The following FAT2 variants were observed in gnomAD, a reference collection of about 807,000 sequenced individuals.
FAT2 encodes the protein FAT atypical cadherin 2.
Under a neutral mutation model 295.3 loss-of-function variants are expected in FAT2, and 150 were observed. That is an observed-to-expected ratio of 0.51 (90% confidence interval 0.44 to 0.58). The LOEUF is 0.58. Ranked by LOEUF, FAT2 falls within the 20% of genes least tolerant of loss-of-function variation. FAT2 has a pLI of 0.00. For synonymous variants in FAT2, 2,026 were observed against 2,150.3 expected (o/e 0.94, Z 1.60); for missense variants, 4,868 against 5,442.7 (o/e 0.89, Z 3.32).
intron 1 of FAT2, among the ~76,000 whole-genome samples, chr5:151,580,002 TAGGGC>T (rs1758883587): frequency 6.6e-6 from 1 of 152,196 alleles, no homozygotes; most frequent in East Asian, 1.9e-4. Context: ...CTGGACTCCC[TAGGGC>T]ACAGTTTGAA....
At position 151,505,699 on chromosome 5, in the gene FAT2, C is replaced by T; in HGVS notation, c.12916G>A (p.Gly4306Arg). 6.2e-7 allele frequency: 1 copy of T among 1,614,064 alleles called. No homozygotes were observed. The highest frequency in any genetic ancestry group is 8.5e-7 in the Non-Finnish European group (1 of 1,179,958). ...KGVGMRLSRA[G>R]PSYAVCEVEG... is the part of the protein sequence containing the mutation. ...ACCTCACAGACAGCATAAGAGGGCC[C>T]AGCTCGGCTGAGGCGCATACCCACC... is the stretch of plus-strand genomic sequence containing the variant. Residue 4306 changes from glycine (G) to arginine (R), a missense_variant, in exon 24 of 24, where the codon GGG becomes AGG. This residue lies in a region of FAT2 where 492 missense variants were observed against 482.6 expected (regional missense o/e 1.02). Coordinates refer to ENST00000261800, the MANE Select transcript of FAT2 (RefSeq NM_001447.3).
rs375652571 is a variant in FAT2, at chr5:151,529,375, C to T, written c.9829G>A (p.Ala3277Thr). 9.9e-6 allele frequency: 16 copies of T among 1,613,792 alleles called. No homozygotes were observed. The highest frequency in any genetic ancestry group is 1.7e-4 in the Middle Eastern group (1 of 5,852). Reference sequence around the variant, plus strand: ...GGGCTTGTCTCAAAGTCCAGGCTTGCGTTGACATACAGGATCCCTGAAGAA... The same window carrying T: ...GGGCTTGTCTCAAAGTCCAGGCTTGTGTTGACATACAGGATCCCTGAAGAA... ...DARTGILYVNASLDFETSPKY... is the reference protein window; with the variant it reads ...DARTGILYVNTSLDFETSPKY... The change falls in exon 15 of 24, where the codon GCA (alanine) becomes ACA (threonine). Residue 3277 changes from alanine (A) to threonine (T), a missense_variant. Around this residue, in one of 5 missense-constraint regions of FAT2, gnomAD observed 1,046 missense variants for 1,210.1 expected, o/e 0.86. Coordinates refer to ENST00000261800, the MANE Select transcript of FAT2 (RefSeq NM_001447.3).
chr5:151,531,185 G>A lies in FAT2; in HGVS notation c.9811+402C>T, dbSNP rs1754552717. Among the ~76,000 whole-genome samples, 1 of 152,206 alleles carries A rather than the reference G, an allele frequency of 6.6e-6. No homozygotes were observed. On this transcript the variant is annotated intron_variant, in intron 14 of 23. Coordinates refer to ENST00000261800, the MANE Select transcript of FAT2 (RefSeq NM_001447.3). The surrounding 1 kb of genome is among the most constrained non-coding windows in gnomAD (Gnocchi z 5.7). Reference sequence around the variant, plus strand: ...TGGAGTGGATGTGGGGACTCCAGGAGGGAAGCAGGCAGCCTTGTCCAGGGT... The same window carrying A: ...TGGAGTGGATGTGGGGACTCCAGGAAGGAAGCAGGCAGCCTTGTCCAGGGT...
At chr5:151,590,922 G>A (rs916887864) in intron 1 of FAT2, among the ~76,000 whole-genome samples, 14 of 152,162 alleles carry the variant, frequency 9.2e-5, no homozygotes, top group African/African-American at 3.4e-4. Flanking sequence ...TCTCAGCCTT[G>A]CCCATTGCTG....
Position 151,543,511 on chromosome 5 carries a change from G to T in FAT2, c.7616C>A (p.Thr2539Asn), listed in dbSNP as rs1180476010. 6.2e-7 allele frequency: 1 copy of T among 1,614,090 alleles called. No homozygotes were observed. The highest frequency in any genetic ancestry group is 2.2e-5 in the East Asian group (1 of 44,900). Residue 2539 changes from threonine to asparagine, a missense_variant, in exon 10 of 24, where the codon ACT (threonine) becomes AAT (asparagine). Physicochemically the swap from Thr to Asn is moderately conservative, Grantham distance 65. Around this residue, in one of 5 missense-constraint regions of FAT2, gnomAD observed 3,297 missense variants for 3,669.4 expected, o/e 0.90. Coordinates refer to ENST00000261800, the MANE Select transcript of FAT2 (RefSeq NM_001447.3). Reference sequence around the variant, plus strand: ...ATTTTCCCGATCCAGTTTCTGCAGAGTGGCAATCTGGCCATTGGGGTTTAT... The same window carrying T: ...ATTTTCCCGATCCAGTTTCTGCAGATTGGCAATCTGGCCATTGGGGTTTAT... Reference protein sequence around the residue: ...FSINPNGQIATLQKLDRENST... With the variant: ...FSINPNGQIANLQKLDRENST...
At chr5:151,537,989 C>T (rs1449280953) in intron 11 of FAT2, 43 bp from the exon 12 acceptor site, 7 of 1,577,110 alleles carry the variant, frequency 4.4e-6, no homozygotes, top group Non-Finnish European at 6.1e-6. Flanking sequence ...GTGGGGACTG[C>T]ATTCAGATCC....
upstream of FAT2, among the ~76,000 whole-genome samples, chr5:151,593,743 C>T (rs921893822): frequency 1.3e-5 from 2 of 152,178 alleles, no homozygotes; most frequent in African/African-American, 4.8e-5. Context: ...GTGGCTCACA[C>T]CTGTAATCCC....
intron 1 of FAT2, among the ~76,000 whole-genome samples, chr5:151,584,265 C>T (rs1014656114): frequency 2.0e-5 from 3 of 152,046 alleles, no homozygotes; most frequent in African/African-American, 7.2e-5. Flanking sequence ...TCCCTTTACC[C>T]TCCCCTGCCC....
chr5:151,529,596 C>T (rs1754373907), intron 14 of FAT2, among the ~76,000 whole-genome samples: 1 of 152,114 alleles, frequency 6.6e-6, no homozygotes, highest in African/African-American at 2.4e-5. Context: ...TATTATTATT[C>T]ACAACAGCTA....
Position 151,567,223 on chromosome 5 carries a change from G to A in FAT2, c.1709C>T (p.Thr570Ile), listed in dbSNP as rs1442544774. Residue 570 changes from threonine to isoleucine, a missense_variant, in exon 2 of 24, where the codon ACA becomes ATA. Physicochemically the swap from Thr to Ile is moderately conservative, Grantham distance 89. Coordinates refer to ENST00000261800, the MANE Select transcript of FAT2 (RefSeq NM_001447.3). ...NQPMFEEVNC[T>I]GSIRQDWPVG... Reference sequence around the variant, plus strand: ...TGGCCAGTCTTGGCGGATAGACCCTGTACAGTTGACTTCTTCAAACATAGG... The same window carrying A: ...TGGCCAGTCTTGGCGGATAGACCCTATACAGTTGACTTCTTCAAACATAGG... 6.2e-7 allele frequency: 1 copy of A among 1,614,154 alleles called. No homozygotes were observed. The highest frequency in any genetic ancestry group is 8.5e-7 in the Non-Finnish European group (1 of 1,180,024).
chr5:151,538,658 G>C (rs1755758235), intron 11 of FAT2, among the ~76,000 whole-genome samples: 1 of 152,110 alleles, frequency 6.6e-6, no homozygotes, highest in Admixed American at 6.5e-5. Context: ...ACATGCCCTG[G>C]ATGGAAGCTT....
intron 3 of FAT2, among the ~76,000 whole-genome samples, chr5:151,557,868 G>A (rs1204070926): frequency 6.6e-6 from 1 of 152,142 alleles, no homozygotes; most frequent in African/African-American, 2.4e-5. Context: ...CTCCAGGAAG[G>A]ACGCTACCTC....
At chr5:151,569,276 C>T (rs189125089) in intron 1 of FAT2, among the ~76,000 whole-genome samples, 3 of 152,200 alleles carry the variant, frequency 2.0e-5, no homozygotes, top group Non-Finnish European at 4.4e-5. Flanking sequence ...CTGGGGAGGC[C>T]CCATAATCAT....
At chr5:151,583,854 T>C (rs907634612) in intron 1 of FAT2, among the ~76,000 whole-genome samples, 2 of 151,714 alleles carry the variant, frequency 1.3e-5, no homozygotes, top group African/African-American at 4.8e-5. Context: ...AAAAATTAGC[T>C]GGGTGCGATG....
intron 21 of FAT2, chr5:151,510,409 G>A (rs1200293892): frequency 2.1e-6 from 1 of 471,942 alleles, no homozygotes; most frequent in Non-Finnish European, 3.9e-6. Flanking sequence ...CTAAAGAACA[G>A]TAATAAACAG....
At position 151,565,657 on chromosome 5, in the gene FAT2, A is replaced by ACAC; in HGVS notation, c.3259+15_3259+16insGTG. On this transcript the variant is annotated intron_variant, in intron 2 of 23. Coordinates refer to ENST00000261800, the MANE Select transcript of FAT2 (RefSeq NM_001447.3). ...ACCTCTGGCCCTGGCACCCCACCCT[A>ACAC]CCCCACCCCCAGTACCTGTATCTTG... The ACAC allele has an allele frequency of 2.9e-6, 3 of 1,038,300 alleles. No homozygotes were observed. The highest frequency in any genetic ancestry group is 4.0e-6 in the Non-Finnish European group (3 of 741,734). The allele number at this position is 1,038,300 out of a possible 1,614,324, so 64.3% of individuals were successfully genotyped here.
chr5:151,565,667 C>CCCAACA lies in FAT2; in HGVS notation c.3259+5_3259+6insTGTTGG. 6.4e-7 allele frequency: 1 copy of CCCAACA among 1,570,700 alleles called. No homozygotes were observed. Among genetic ancestry groups the CCCAACA allele is most frequent in the Non-Finnish European group, 8.7e-7 (1 of 1,153,192 alleles). Reference sequence around the variant, plus strand: ...CTGGCACCCCACCCTACCCCACCCCCAGTACCTGTATCTTGGTTGATGCTG... The same window carrying CCCAACA: ...CTGGCACCCCACCCTACCCCACCCCCCCAACAAGTACCTGTATCTTGGTTGATGCTG... On this transcript the variant is annotated splice_donor_region_variant and intron_variant, in intron 2 of 23. Transcript: ENST00000261800.
In FAT2 at chr5:151,554,362, C is replaced by T. The variant is rs1449193613; in HGVS notation, c.3945G>A (p.Thr1315=). The change falls in exon 5 of 24, where the codon ACG becomes ACA. Residue 1315 remains threonine, a splice_region_variant and synonymous_variant. Transcript: ENST00000261800. The part of the protein sequence containing the change: ...TFTAGEYNIL[T]IKATDSGQPP... Reference sequence around the variant, plus strand: ...CCGTGGCTTCCTTCTGTCTGCTCACCGTTAGGATGTTGTACTCTCCAGCTG... The same window carrying T: ...CCGTGGCTTCCTTCTGTCTGCTCACTGTTAGGATGTTGTACTCTCCAGCTG... 2.5e-6 allele frequency: 4 copies of T among 1,612,226 alleles called. No individual in the cohort carries two copies. The highest frequency in any genetic ancestry group is 2.2e-5 in the East Asian group (1 of 44,868).
Position 151,521,875 on chromosome 5 carries a change from G to T in FAT2, c.10718C>A (p.Thr3573Asn), listed in dbSNP as rs763267937. The change falls in exon 19 of 24, where the codon ACC (threonine) becomes AAC (asparagine). Residue 3573 changes from threonine (T) to asparagine (N), a missense_variant. Transcript: ENST00000261800. ...ACCCACTGAGAAGTGCCTGCCCAGG[G>T]TCTCCTCTTCTGCCAGGCTATAGGT... is the stretch of plus-strand genomic sequence containing the variant. ...TLTYSLAEEETLGRHFSVGAP... is the reference protein window; with the variant it reads ...TLTYSLAEEENLGRHFSVGAP... 2.4e-5 allele frequency: 38 copies of T among 1,614,036 alleles called. No homozygotes were observed. The highest frequency in any genetic ancestry group is 2.9e-5 in the Non-Finnish European group (34 of 1,179,996).
Sources: allele counts gnomAD v4.1 joint callset (sites outside exome capture counted in the v4.1 genomes callset), GRCh38; gene constraint gnomAD v4.1.1; regional missense constraint gnomAD v4.1.1; non-coding constraint Gnocchi (gnomAD v3.1); transcripts MANE v1.5; gene names NCBI Gene and HGNC (gene_info 2026-07-23, HGNC 2026-07-21).